DCC: variants seen among roughly 807,000 people sequenced by gnomAD.
DCC encodes the protein DCC netrin 1 receptor.
Under a neutral mutation model 172.5 loss-of-function variants are expected in DCC, and 58 were observed. The observed-to-expected ratio is 0.34, with a 90% confidence interval of 0.27 to 0.42. The LOEUF is 0.42. DCC is among the 10% of genes least tolerant of loss of function. The probability of loss-of-function intolerance (pLI) is 1.00; values close to 1 mark genes in which losing one functional copy is unlikely to be tolerated. For missense variants in DCC, 1,740 were observed against 1,791.0 expected (o/e 0.97, Z 0.51); for synonymous variants, 709 against 644.5 (o/e 1.10, Z -1.52).
chr18:53,448,401 A>T lies in DCC; in HGVS notation c.3230-2099A>T, dbSNP rs1036647426. The stretch of plus-strand genomic sequence containing the variant: ...AGCAAAAGGGGGGAAAGGACCTTAT[A>T]AAACCATCAGACCTTGTTGTGAGAA... On this transcript the variant is annotated intron_variant, in intron 22 of 28. Coordinates refer to ENST00000442544, the MANE Select transcript of DCC (RefSeq NM_005215.4). 6.6e-5 allele frequency among the ~76,000 whole-genome samples: 10 copies of T among 152,202 alleles called. No individual in the cohort carries two copies. In the East Asian group the frequency reaches 7.7e-4, roughly 12 times the overall value.
At chr18:52,761,580 C>G (rs2037160390) in intron 2 of DCC, among the ~76,000 whole-genome samples, 1 of 152,026 alleles carries the variant, frequency 6.6e-6, no homozygotes, top group Non-Finnish European at 1.5e-5. Context: ...ATTCAATAAT[C>G]AGAGTAGGTC....
rs781560729 is a variant in DCC at position 53,487,149 on chromosome 18, C to T, written c.3898+191C>T. On this transcript the variant is annotated intron_variant, in intron 26 of 28. Coordinates refer to ENST00000442544, the MANE Select transcript of DCC (RefSeq NM_005215.4). ...GCATTTGTACTGATTCCCTAGGCAC[C>T]TTTCCACAGCACACTCCACTGACAA... Among the ~76,000 whole-genome samples, 3 of 152,114 alleles carry T rather than the reference C, an allele frequency of 2.0e-5. 1 individual carries two copies. The highest frequency in any genetic ancestry group is 4.4e-5 in the Non-Finnish European group (3 of 68,038).
At chr18:53,520,505 A>G (rs1019315929) in intron 27 of DCC, among the ~76,000 whole-genome samples, 21 of 152,114 alleles carry the variant, frequency 1.4e-4, no homozygotes, top group Non-Finnish European at 2.6e-4. Context: ...CATGTCTCAT[A>G]GCCCCATGAA....
intron 3 of DCC, among the ~76,000 whole-genome samples, chr18:52,920,701 T>G (rs2040110546): frequency 6.6e-6 from 1 of 152,148 alleles, no homozygotes. Flanking sequence ...AGTTGAAAAT[T>G]TATGTCCTGA....
At chr18:53,041,973 C>A (rs1035911206) in intron 5 of DCC, among the ~76,000 whole-genome samples, 5 of 151,956 alleles carry the variant, frequency 3.3e-5, no homozygotes, top group African/African-American at 9.7e-5. Flanking sequence ...TGACTCCTCT[C>A]TTCCTACTTA....
intron 8 of DCC, among the ~76,000 whole-genome samples, chr18:53,165,581 TA>T (rs903018558): frequency 1.9e-4 from 29 of 152,304 alleles, no homozygotes; most frequent in African/African-American, 6.5e-4. Context: ...TGCTTCTCTG[TA>T]AAATATAAAA....
chr18:52,700,267 C>G (rs1316566320), intron 1 of DCC, among the ~76,000 whole-genome samples: 3 of 135,682 alleles, frequency 2.2e-5, no homozygotes, highest in Admixed American at 7.3e-5. Flanking sequence ...CATCCACACT[C>G]TTGTGCACAC....
chr18:53,526,627 T>C lies in DCC; in HGVS notation c.4122T>C (p.Leu1374=). ...TGTTTTCTATTTCAGGGCCCACTCT[T>C]CCTAAGACCCATGTGAAAACAGCCT... The part of the protein sequence containing the change: ...TPLLSQPGPT[L]PKTHVKTASL... Residue 1374 remains leucine, a synonymous_variant, in exon 28 of 29, where the codon CTT becomes CTC. Transcript: ENST00000442544. 1.9e-6 allele frequency: 3 copies of C among 1,613,478 alleles called. No individual in the cohort carries two copies. The highest frequency in any genetic ancestry group is 2.5e-6 in the Non-Finnish European group (3 of 1,179,592).
At chr18:53,287,989 A>G (rs1302613439) in intron 12 of DCC, among the ~76,000 whole-genome samples, 1 of 152,116 alleles carries the variant, frequency 6.6e-6, no homozygotes, top group South Asian at 2.1e-4. Flanking sequence ...CATGTACGCA[A>G]TCCTAATATG....
rs558384187 is a variant in DCC at position 52,718,730 on chromosome 18, A to C, written c.92-33324A>C. Among the ~76,000 whole-genome samples the C allele has an allele frequency of 7.2e-5, 11 of 152,282 alleles. No homozygotes were observed. The South Asian group carries it at 1.5e-3, about 20-fold the overall frequency. On this transcript the variant is annotated intron_variant, in intron 1 of 28. Transcript: ENST00000442544. ...TATCTACAATGTCCCATGTAATTCC[A>C]AGATTCTGTTTCTACCATTCTCTAG...
Position 53,228,543 on chromosome 18 carries a change from A to G in DCC, c.1911+12946A>G, listed in dbSNP as rs376741491. Reference sequence around the variant, plus strand: ...CAGTGAGCAACTGGCATATGATAACACCTGGGCTTGCGTAGAGTTTCTGCT... The same window carrying G: ...CAGTGAGCAACTGGCATATGATAACGCCTGGGCTTGCGTAGAGTTTCTGCT... On this transcript the variant is annotated intron_variant, in intron 12 of 28. Coordinates refer to ENST00000442544, the MANE Select transcript of DCC (RefSeq NM_005215.4). 5.3e-5 allele frequency among the ~76,000 whole-genome samples: 8 copies of G among 152,160 alleles called. No individual in the cohort carries two copies. In the East Asian group the frequency reaches 1.2e-3, roughly 22 times the overall value.
At chr18:52,909,383 T>A (rs1049397989) in intron 3 of DCC, among the ~76,000 whole-genome samples, 1 of 152,198 alleles carries the variant, frequency 6.6e-6, no homozygotes, top group Non-Finnish European at 1.5e-5. Context: ...TAAATTACCA[T>A]GTTGACTGAT....
At chr18:53,348,744 A>T (rs1475854338) in intron 15 of DCC, among the ~76,000 whole-genome samples, 11 of 152,140 alleles carry the variant, frequency 7.2e-5, no homozygotes. Flanking sequence ...GCTTACACCC[A>T]CTGAAACCAT....
intron 5 of DCC, among the ~76,000 whole-genome samples, chr18:52,975,732 C>T (rs1314135653): frequency 1.3e-5 from 2 of 152,128 alleles, no homozygotes; most frequent in African/African-American, 4.8e-5. Context: ...TATATATGTA[C>T]CACATGTTCT....
chr18:53,234,403 G>C (rs1426942011), intron 12 of DCC, among the ~76,000 whole-genome samples: 1 of 152,024 alleles, frequency 6.6e-6, no homozygotes, highest in Non-Finnish European at 1.5e-5. Flanking sequence ...ACTCCAGCCT[G>C]GGCGATAGAG....
intron 1 of DCC, among the ~76,000 whole-genome samples, chr18:52,557,670 T>C (rs939056801): frequency 6.6e-6 from 1 of 152,222 alleles, no homozygotes; most frequent in African/African-American, 2.4e-5. Context: ...ACTAAATGTC[T>C]CTAATTCTTC....
At chr18:52,854,067 G>A (rs969211051) in intron 2 of DCC, among the ~76,000 whole-genome samples, 8 of 152,160 alleles carry the variant, frequency 5.3e-5, no homozygotes, top group African/African-American at 1.9e-4. Context: ...TTGAACATTA[G>A]GCTATATGGC....
Position 53,514,828 on chromosome 18 carries a change from G to C in DCC, c.4112-11789G>C, listed in dbSNP as rs543662943. ...ATCAATAGCTTACCAACCAAAAAGA[G>C]TCCAGGACCAGATGGATTCACAGCC... On this transcript the variant is annotated intron_variant, in intron 27 of 28. Transcript: ENST00000442544. Among the ~76,000 whole-genome samples the C allele has an allele frequency of 3.2e-4, 49 of 151,960 alleles. 1 individual carries two copies. Among genetic ancestry groups the C allele is most frequent in the African/African-American group, 1.2e-3 (49 of 41,406 alleles).
intron 2 of DCC, among the ~76,000 whole-genome samples, chr18:52,767,214 C>T (rs1020327811): frequency 6.6e-6 from 1 of 151,948 alleles, no homozygotes; most frequent in Non-Finnish European, 1.5e-5. Flanking sequence ...CAAATAATGA[C>T]TGTGCTAGAA....
Sources: allele counts gnomAD v4.1 joint callset (sites outside exome capture counted in the v4.1 genomes callset), GRCh38; gene constraint gnomAD v4.1.1; transcripts MANE v1.5; gene names NCBI Gene and HGNC (gene_info 2026-07-23, HGNC 2026-07-21).